The following MYO18B variants were observed in gnomAD, a reference collection of about 807,000 sequenced individuals.
MYO18B encodes myosin XVIIIB.
In MYO18B, 204 loss-of-function variants were observed where a neutral mutation model predicts 273.0. That is an observed-to-expected ratio of 0.75 (90% CI 0.67 to 0.84). The LOEUF (loss-of-function observed/expected upper bound fraction) is 0.84, where lower values mean the gene tolerates loss of function less well. Ranked by LOEUF, MYO18B falls within the 40% of genes least tolerant of loss-of-function variation. MYO18B has a pLI of 0.00. For missense variants in MYO18B, 3,212 were observed against 3,287.6 expected (o/e 0.98, Z 0.56); for synonymous variants, 1,330 against 1,305.7 (o/e 1.02, Z -0.40).
chr22:25,912,192 G>A (rs1162630612), intron 33 of MYO18B, among the ~76,000 whole-genome samples: 1 of 152,138 alleles, frequency 6.6e-6, no homozygotes, highest in African/African-American at 2.4e-5. Flanking sequence ...GGACACACGC[G>A]GCAAGAGTAA....
chr22:25,764,860 C>T (rs1410235928), intron 3 of MYO18B, among the ~76,000 whole-genome samples: 1 of 152,226 alleles, frequency 6.6e-6, no homozygotes, highest in African/African-American at 2.4e-5. Context: ...GGATTCTACC[C>T]ATTTATCACA....
At chr22:25,779,045 A>G (rs2087030203) in intron 8 of MYO18B, among the ~76,000 whole-genome samples, 1 of 152,008 alleles carries the variant, frequency 6.6e-6, no homozygotes, top group African/African-American at 2.4e-5. Context: ...CCCCTTAATC[A>G]TTTCCCCTAT....
chr22:25,824,914 A>G (rs2089431620), intron 13 of MYO18B, among the ~76,000 whole-genome samples: 1 of 151,160 alleles, frequency 6.6e-6, no homozygotes, highest in Non-Finnish European at 1.5e-5. Context: ...CACAGATACC[A>G]CGGAATCACA....
At chr22:25,846,517 G>T (rs539653531) in intron 19 of MYO18B, among the ~76,000 whole-genome samples, 64 of 152,332 alleles carry the variant, frequency 4.2e-4, no homozygotes, top group East Asian at 3.9e-3. Context: ...AGCCTGTGCT[G>T]CTTGGTGTTG....
In MYO18B at chr22:25,828,757, C is replaced by T. The variant is rs374703928; in HGVS notation, c.2787-19C>T. The T allele has an allele frequency of 1.9e-6, 3 of 1,605,610 alleles. No individual in the cohort carries two copies. The highest frequency in any genetic ancestry group is 1.3e-5 in the African/African-American group (1 of 74,750). ...TTCCATGCCATCTCAGACATTCCAC[C>T]TCTCTCTTCTCTCCCTAGATCCTTT... is the stretch of plus-strand genomic sequence containing the variant. On this transcript the variant is annotated intron_variant, in intron 14 of 43. Coordinates refer to ENST00000335473, the MANE Select transcript of MYO18B (RefSeq NM_032608.7).
chr22:25,895,370 C>T, intron 28 of MYO18B, 90 bp downstream of exon 28: 1 of 1,465,622 alleles, frequency 6.8e-7, no homozygotes, highest in Non-Finnish European at 9.2e-7. Flanking sequence ...ATTAGCTGAG[C>T]CTGAAGAGGG....
chr22:26,015,241 G>A (rs1490220938), intron 42 of MYO18B, among the ~76,000 whole-genome samples: 1 of 152,100 alleles, frequency 6.6e-6, no homozygotes, highest in Non-Finnish European at 1.5e-5. Context: ...AAACAGCATG[G>A]TGATTCCTTA....
rs1030989716 is a variant in MYO18B, at chr22:25,769,511, G to A, written c.1512+83G>A. On this transcript the variant is annotated intron_variant, in intron 4 of 43. Transcript: ENST00000335473. ...AGGGATGGGAAAGATCTGCCCCAGG[G>A]ATGGACAAGGGGTGGACGGGGGGTG... The A allele has an allele frequency of 5.6e-6, 7 of 1,245,634 alleles. No individual in the cohort carries two copies. In the East Asian group the frequency reaches 1.8e-4, roughly 32 times the overall value. 77.2% of individuals were successfully genotyped at this position (1,245,634 alleles called of 1,614,324 possible). A position where few individuals can be genotyped will look rare whatever the true frequency, so the allele number is the denominator to read the frequency against.
At chr22:26,000,413 C>A (rs2146897583) in intron 40 of MYO18B, among the ~76,000 whole-genome samples, 1 of 152,106 alleles carries the variant, frequency 6.6e-6, no homozygotes, top group South Asian at 2.1e-4. Flanking sequence ...CATGGGGTCT[C>A]CTAGAACTCG....
intron 21 of MYO18B, among the ~76,000 whole-genome samples, chr22:25,862,385 C>T (rs900549169): frequency 2.6e-5 from 4 of 152,104 alleles, no homozygotes; most frequent in Non-Finnish European, 5.9e-5. Context: ...AAGATTTTTA[C>T]ATTTTCCTAT....
At chr22:25,862,221 T>C (rs1434636350) in intron 21 of MYO18B, among the ~76,000 whole-genome samples, 1 of 152,216 alleles carries the variant, frequency 6.6e-6, no homozygotes, top group East Asian at 1.9e-4. Flanking sequence ...TTTTGTATCC[T>C]TTGGCGGTCC....
At chr22:25,857,163 G>T (rs1485082045) in intron 21 of MYO18B, among the ~76,000 whole-genome samples, 4 of 152,092 alleles carry the variant, frequency 2.6e-5, no homozygotes, top group African/African-American at 7.2e-5. Flanking sequence ...TGAATACAAG[G>T]GTGGAATCTC....
At chr22:25,919,174 C>G (rs1156464396) in intron 33 of MYO18B, among the ~76,000 whole-genome samples, 1 of 152,196 alleles carries the variant, frequency 6.6e-6, no homozygotes, top group Non-Finnish European at 1.5e-5. Context: ...CCTCCCCTAG[C>G]TAGGAGTAGC....
At chr22:26,046,039 A>G in the MYO18B span, among the ~76,000 whole-genome samples, 1 of 152,242 alleles carries the variant, frequency 6.6e-6, no homozygotes, top group Admixed American at 6.5e-5. Flanking sequence ...TATTAATTGC[A>G]TATGTGCCTG....
At chr22:25,757,442 G>A (rs190154348) in intron 1 of MYO18B, among the ~76,000 whole-genome samples, 11 of 151,308 alleles carry the variant, frequency 7.3e-5, no homozygotes, top group African/African-American at 2.7e-4. Context: ...CAAAAAATTA[G>A]CGGGCGTGGT....
intron 39 of MYO18B, among the ~76,000 whole-genome samples, chr22:25,986,292 A>G (rs1480284805): frequency 6.6e-6 from 1 of 152,234 alleles, no homozygotes; most frequent in African/African-American, 2.4e-5. Flanking sequence ...ATTGTTCATT[A>G]TAGCATCAGA....
chr22:25,792,651 T>C (rs2145729212), intron 11 of MYO18B, among the ~76,000 whole-genome samples: 1 of 152,046 alleles, frequency 6.6e-6, no homozygotes, highest in East Asian at 1.9e-4. Flanking sequence ...CGCGCCACCA[T>C]GCCCAGCTAA....
rs775953423 is a variant in MYO18B at position 25,772,348 on chromosome 22, G to A, written c.1707G>A (p.Glu569=). ...EEHVHRANPP[E]LDQVEDLASL... is the part of the protein sequence containing the mutation. ...TGGTTTCACAGGCCAACCCTCCTGA[G>A]CTGGACCAGGTCGAGGACCTGGCCT... The change falls in exon 7 of 44, where the codon GAG becomes GAA. Residue 569 remains glutamate (E), a synonymous_variant. Coordinates refer to ENST00000335473, the MANE Select transcript of MYO18B (RefSeq NM_032608.7). 4.6e-5 allele frequency: 74 copies of A among 1,613,714 alleles called. No homozygotes were observed. Among genetic ancestry groups the A allele is most frequent in the Non-Finnish European group, 6.1e-5 (72 of 1,179,828 alleles).
the MYO18B span, among the ~76,000 whole-genome samples, chr22:26,057,081 G>T: frequency 3.1e-4 from 47 of 152,036 alleles, no homozygotes; most frequent in Non-Finnish European, 4.0e-4. Flanking sequence ...ATAAGAAAGA[G>T]CTTCAGAGGA....
Sources: allele counts gnomAD v4.1 joint callset (sites outside exome capture counted in the v4.1 genomes callset), GRCh38; gene constraint gnomAD v4.1.1; transcripts MANE v1.5; gene names NCBI Gene and HGNC (gene_info 2026-07-23, HGNC 2026-07-21).